Variants in ZNF780A observed in about 807,000 individuals in gnomAD.
ZNF780A encodes the protein zinc finger protein 780A.
Under a neutral mutation model 56.7 loss-of-function variants are expected in ZNF780A, and 40 were observed. That is an observed-to-expected ratio of 0.71 (90% confidence interval 0.55 to 0.92). ZNF780A has a LOEUF of 0.92. Among genes scored for constraint, ZNF780A ranks in the 40% least tolerant of loss-of-function variants. The pLI, the probability that ZNF780A is intolerant of heterozygous loss-of-function variation, is 0.00. For missense variants in ZNF780A, 672 were observed against 783.3 expected, an observed-to-expected ratio of 0.86 and a Z score of 1.70; for synonymous variants, 231 against 248.3, an observed-to-expected ratio of 0.93 and a Z score of 0.66.
rs143056390 is a variant in ZNF780A at position 40,074,892 on chromosome 19, G to T, written c.1550C>A (p.Ser517Tyr). The T allele has an allele frequency of 1.2e-4, 200 of 1,612,066 alleles. No homozygotes were observed. In the African/African-American group the frequency reaches 2.3e-3, roughly 19 times the overall value. Residue 517 changes from serine (S) to tyrosine (Y), a missense_variant, in exon 6 of 6, where the codon TCC (serine) becomes TAC (tyrosine). Physicochemically the swap from Ser to Tyr is moderately radical, Grantham distance 144. Transcript: ENST00000683561. ...GKAFRLYLQL[S>Y]QHQKTHTGEK... ...ACCTGTGTGAGTTTTCTGATGTTGG[G>T]AAAGTTGTAGGTAAAGTCTAAAAGC...
downstream of ZNF780A, chr19:40,072,897 C>G: frequency 6.5e-7 from 1 of 1,549,812 alleles, no homozygotes. Flanking sequence ...AGAGAGATAA[C>G]CAAATGCAAT....
At chr19:40,089,612 C>CA (rs5828056) in intron 2 of ZNF780A, among the ~76,000 whole-genome samples, 13,763 of 150,540 alleles carry the variant, frequency 0.091, 1,118 homozygotes, top group African/African-American at 0.21. Context: ...TACTGCCTCT[C>CA]ACAGTACACA....
chr19:40,089,081 A>G (rs1974980223), intron 2 of ZNF780A, among the ~76,000 whole-genome samples: 1 of 152,178 alleles, frequency 6.6e-6, no homozygotes, highest in South Asian at 2.1e-4. Flanking sequence ...GGAAGATAAG[A>G]GAAATAAGTT....
intron 2 of ZNF780A, chr19:40,089,421 A>G (rs1926931): frequency 0.053 from 40,042 of 754,234 alleles, 2,212 homozygotes; most frequent in African/African-American, 0.2. Flanking sequence ...TGTTCTGTAG[A>G]GAGTCAAGGG....
intron 2 of ZNF780A, among the ~76,000 whole-genome samples, chr19:40,086,187 C>T (rs1974787748): frequency 6.6e-6 from 1 of 152,030 alleles, no homozygotes; most frequent in South Asian, 2.1e-4. Context: ...AAGTTTGTTT[C>T]CTTTATTTTC....
intron 5 of ZNF780A, among the ~76,000 whole-genome samples, chr19:40,080,354 G>T (rs1974406192): frequency 6.6e-6 from 1 of 152,078 alleles, no homozygotes; most frequent in South Asian, 2.1e-4. Flanking sequence ...AAAGAAAATA[G>T]TTCTAGCCTA....
chr19:40,085,438 A>G, intron 2 of ZNF780A: 1 of 614,942 alleles, frequency 1.6e-6, no homozygotes, highest in Non-Finnish European at 2.0e-6. Context: ...AAAACAGGAT[A>G]GATAATATGA....
At position 40,075,890 on chromosome 19, in the gene ZNF780A, CTG is replaced by C; in HGVS notation, c.550_551del (p.Gln184GlufsTer10). On this transcript the variant is annotated frameshift_variant, in exon 6 of 6. Coordinates refer to ENST00000683561, the MANE Select transcript of ZNF780A (RefSeq NM_001142578.2). LOFTEE classifies it high-confidence loss of function. The part of the protein sequence containing the change: ...FSRSANLIQH[Q>X]SIHTGEKPFE... ...AGGGTTTCTCTCCAGTATGAATACTCTGATGCTGAATAAGATTTGCACTACGA... is the reference window on the plus strand; with the variant it reads ...AGGGTTTCTCTCCAGTATGAATACTCATGCTGAATAAGATTTGCACTACGA... 1 of 1,614,122 alleles carries C rather than the reference CTG, an allele frequency of 6.2e-7. No homozygotes were observed. Among genetic ancestry groups the C allele is most frequent in the Non-Finnish European group, 8.5e-7 (1 of 1,180,008 alleles).
At chr19:40,089,728 C>T (rs2144988406) in intron 2 of ZNF780A, among the ~76,000 whole-genome samples, 1 of 152,230 alleles carries the variant, frequency 6.6e-6, no homozygotes, top group South Asian at 2.1e-4. Flanking sequence ...CTCATGGACT[C>T]CCTGGAAAAA....
At position 40,074,895 on chromosome 19, in the gene ZNF780A, A is replaced by C. The variant is rs1403632400; in HGVS notation, c.1547T>G (p.Leu516Arg). Residue 516 changes from leucine to arginine, a missense_variant, in exon 6 of 6, where the codon CTT becomes CGT. Coordinates refer to ENST00000683561, the MANE Select transcript of ZNF780A (RefSeq NM_001142578.2). Reference sequence around the variant, plus strand: ...TGTGTGAGTTTTCTGATGTTGGGAAAGTTGTAGGTAAAGTCTAAAAGCCTT... The same window carrying C: ...TGTGTGAGTTTTCTGATGTTGGGAACGTTGTAGGTAAAGTCTAAAAGCCTT... ...CGKAFRLYLQ[L>R]SQHQKTHTGE... 1 of 1,614,008 alleles carries C rather than the reference A, an allele frequency of 6.2e-7. No individual in the cohort carries two copies. Among genetic ancestry groups the C allele is most frequent in the African/African-American group, 1.3e-5 (1 of 74,922 alleles).
At chr19:40,072,940 G>A, downstream of ZNF780A, 1 of 1,549,786 alleles carries the variant, frequency 6.5e-7, no homozygotes, top group South Asian at 1.2e-5. Context: ...CTTTGAATAT[G>A]AATAGCTGTA....
Position 40,073,573 on chromosome 19 carries a change from GA to G in ZNF780A, c.*942del. 1 of 985,826 alleles carries G rather than the reference GA, an allele frequency of 1.0e-6. No individual in the cohort carries two copies. Among genetic ancestry groups the G allele is most frequent in the Non-Finnish European group, 1.2e-6 (1 of 830,330 alleles). The allele number at this position is 985,826 out of a possible 1,614,324, so 61.1% of individuals were successfully genotyped here. On this transcript the variant is annotated 3_prime_UTR_variant, in exon 6 of 6. Coordinates refer to ENST00000683561, the MANE Select transcript of ZNF780A (RefSeq NM_001142578.2). ...TTCATAGGGAGTACATTGTGAACAT[GA>G]CAACTACCCTATATTCCTCATTCAA...
intron 3 of ZNF780A, 58 bp from the exon 4 acceptor site, chr19:40,083,295 A>T: frequency 1.2e-6 from 2 of 1,605,860 alleles, no homozygotes; most frequent in Middle Eastern, 3.3e-4. Context: ...TTAAGATGAA[A>T]GGAGAGGAAG....
rs756252648 is a variant in ZNF780A at position 40,074,903 on chromosome 19, G to A, written c.1539C>T (p.Tyr513=). The A allele has an allele frequency of 8.7e-6, 14 of 1,613,052 alleles. No homozygotes were observed. The highest frequency in any genetic ancestry group is 5.4e-5 in the African/African-American group (4 of 74,544). ...TTTTCTGATGTTGGGAAAGTTGTAG[G>A]TAAAGTCTAAAAGCCTTCCCACACT... is the stretch of plus-strand genomic sequence containing the variant. The part of the protein sequence containing the change: ...CKECGKAFRL[Y]LQLSQHQKTH... The change falls in exon 6 of 6, where the codon TAC becomes TAT. Residue 513 remains tyrosine (Y), a synonymous_variant. Coordinates refer to ENST00000683561, the MANE Select transcript of ZNF780A (RefSeq NM_001142578.2).
At position 40,075,519 on chromosome 19, in the gene ZNF780A, T is replaced by C; in HGVS notation, c.923A>G (p.Lys308Arg). 1 of 1,612,264 alleles carries C rather than the reference T, an allele frequency of 6.2e-7. No individual in the cohort carries two copies. Among genetic ancestry groups the C allele is most frequent in the Non-Finnish European group, 8.5e-7 (1 of 1,179,470 alleles). ...IHSNEKPFVC[K>R]ECGMAFRYHY... ...ATATCGAAAGGCCATCCCACATTCCTTACATACAAAGGGTTTCTCATTGGA... is the reference window on the plus strand; with the variant it reads ...ATATCGAAAGGCCATCCCACATTCCCTACATACAAAGGGTTTCTCATTGGA... Residue 308 changes from lysine to arginine, a missense_variant, in exon 6 of 6, where the codon AAG becomes AGG. Physicochemically the swap from Lys to Arg is conservative, Grantham distance 26. Coordinates refer to ENST00000683561, the MANE Select transcript of ZNF780A (RefSeq NM_001142578.2).
intron 2 of ZNF780A, among the ~76,000 whole-genome samples, chr19:40,085,705 C>A (rs962563477): frequency 1.3e-5 from 2 of 151,888 alleles, no homozygotes; most frequent in Non-Finnish European, 2.9e-5. Flanking sequence ...CATGGTGATA[C>A]CTCGTCTCTA....
chr19:40,084,730 G>T lies in ZNF780A; in HGVS notation c.9+15C>A. 6.4e-7 allele frequency: 1 copy of T among 1,550,852 alleles called. No homozygotes were observed. The highest frequency in any genetic ancestry group is 1.4e-5 in the African/African-American group (1 of 73,068). On this transcript the variant is annotated intron_variant, in intron 3 of 5. Transcript: ENST00000683561. ...GTCACCATATTTCAAGGAAAAGAGA[G>T]AAATACAAACTTACATGGACCATGT...
chr19:40,078,778 C>G (rs1974303501), intron 5 of ZNF780A, among the ~76,000 whole-genome samples: 1 of 152,100 alleles, frequency 6.6e-6, no homozygotes, highest in South Asian at 2.1e-4. Flanking sequence ...AGTCCTACAC[C>G]TAGAAGTGAA....
In ZNF780A at chr19:40,073,611, C is replaced by A. The variant is rs749358873; in HGVS notation, c.*905G>T. On this transcript the variant is annotated 3_prime_UTR_variant, in exon 6 of 6. Transcript: ENST00000683561. ...TATTCCTCATTCAAAGACTTTCTCA[C>A]AAGAATTATCTTCTCCGAACTCTAA... 1.6e-5 allele frequency: 16 copies of A among 985,700 alleles called. No individual in the cohort carries two copies. The highest frequency in any genetic ancestry group is 8.7e-5 in the African/African-American group (5 of 57,220). The allele number at this position is 985,700 out of a possible 1,614,324, so 61.1% of individuals were successfully genotyped here.
Sources: allele counts gnomAD v4.1 joint callset (sites outside exome capture counted in the v4.1 genomes callset), GRCh38; gene constraint gnomAD v4.1.1; transcripts MANE v1.5; gene names NCBI Gene and HGNC (gene_info 2026-07-23, HGNC 2026-07-21).